ANKS1B: variants seen among roughly 807,000 people sequenced by gnomAD.
ANKS1B encodes the protein ankyrin repeat and sterile alpha motif domain containing 1B.
ANKS1B carries 36 observed loss-of-function variants against 148.3 expected under a neutral mutation model. The observed-to-expected ratio is 0.24, with a 90% CI of 0.19 to 0.32. The LOEUF is 0.32. Ranked by LOEUF, ANKS1B falls within the 10% of genes least tolerant of loss-of-function variation. The pLI, the probability that ANKS1B is intolerant of heterozygous loss-of-function variation, is 1.00. For missense variants in ANKS1B, 1,157 were observed against 1,542.6 expected (o/e 0.75, Z 4.19); for synonymous variants, 542 against 560.8 (o/e 0.97, Z 0.47).
rs1429354178 is a variant in ANKS1B at position 99,633,150 on chromosome 12, G to C, written c.1272+21917C>G. Among the ~76,000 whole-genome samples, 6 of 151,832 alleles carry C rather than the reference G, an allele frequency of 4.0e-5. No individual in the cohort carries two copies. The South Asian group carries it at 6.2e-4, about 16-fold the overall frequency. On this transcript the variant is annotated intron_variant, in intron 9 of 26. Coordinates refer to ENST00000683438, the MANE Select transcript of ANKS1B (RefSeq NM_001352186.2). The stretch of plus-strand genomic sequence containing the variant: ...ATATGTGCCACATTTTCTTAATCCA[G>C]TCTATCATTGTTGGACATTTGGGTT...
chr12:99,875,220 T>C (rs912408246), intron 1 of ANKS1B, among the ~76,000 whole-genome samples: 14 of 152,188 alleles, frequency 9.2e-5, no homozygotes, highest in African/African-American at 3.4e-4. Flanking sequence ...AATGCAGTGA[T>C]GTTTGGGATT....
At chr12:98,917,750 G>A (rs943829801) in intron 17 of ANKS1B, among the ~76,000 whole-genome samples, 4 of 152,152 alleles carry the variant, frequency 2.6e-5, no homozygotes, top group Non-Finnish European at 4.4e-5. Flanking sequence ...CAAATCCTGC[G>A]TGAACAAAGG....
At chr12:99,145,045 G>C (rs2072525320) in intron 15 of ANKS1B, among the ~76,000 whole-genome samples, 2 of 151,968 alleles carry the variant, frequency 1.3e-5, no homozygotes, top group Admixed American at 1.3e-4. Context: ...CACTGAACAG[G>C]GCACTGTTAT....
intron 9 of ANKS1B, among the ~76,000 whole-genome samples, chr12:99,538,813 T>C (rs2097097871): frequency 6.6e-6 from 1 of 152,182 alleles, no homozygotes; most frequent in South Asian, 2.1e-4. Context: ...CCTTGTCATG[T>C]TCCAGATTTT....
intron 8 of ANKS1B, among the ~76,000 whole-genome samples, chr12:99,737,728 T>C (rs2059742839): frequency 6.6e-6 from 1 of 152,098 alleles, no homozygotes; most frequent in African/African-American, 2.4e-5. Context: ...CACTTTTTCC[T>C]ATTTCCCCCC....
At chr12:99,640,144 C>T (rs973828072) in intron 9 of ANKS1B, among the ~76,000 whole-genome samples, 1 of 151,840 alleles carries the variant, frequency 6.6e-6, no homozygotes, top group African/African-American at 2.4e-5. Context: ...TGCACTCCAG[C>T]CTGGGTGAGA....
intron 1 of ANKS1B, among the ~76,000 whole-genome samples, chr12:99,917,595 A>G (rs1199200033): frequency 6.6e-6 from 1 of 152,214 alleles, no homozygotes; most frequent in Non-Finnish European, 1.5e-5. Flanking sequence ...AGGCACAGCA[A>G]TTCATCCTCA....
intron 9 of ANKS1B, among the ~76,000 whole-genome samples, chr12:99,629,981 TG>T (rs1418760872): frequency 2.0e-5 from 3 of 152,162 alleles, no homozygotes; most frequent in Non-Finnish European, 4.4e-5. Flanking sequence ...CTAGAATACA[TG>T]CTAAATTCTA....
At chr12:99,775,263 C>A (rs1426724925) in intron 7 of ANKS1B, among the ~76,000 whole-genome samples, 4 of 152,016 alleles carry the variant, frequency 2.6e-5, no homozygotes, top group African/African-American at 4.8e-5. Context: ...TAAATATATA[C>A]AATTTTTATT....
chr12:99,024,069 A>G (rs11831207), intron 17 of ANKS1B, among the ~76,000 whole-genome samples: 5,506 of 151,826 alleles, frequency 0.036, 346 homozygotes, highest in African/African-American at 0.13. Context: ...ATGGCACACT[A>G]TTGTTATCAG....
At chr12:99,291,041 A>T (rs867050932) in intron 12 of ANKS1B, among the ~76,000 whole-genome samples, 17 of 152,160 alleles carry the variant, frequency 1.1e-4, no homozygotes, top group Non-Finnish European at 1.5e-4. Flanking sequence ...CTAATTCAGT[A>T]AAGTGGCAAG....
intron 12 of ANKS1B, among the ~76,000 whole-genome samples, chr12:99,279,745 G>T (rs2078149831): frequency 6.6e-6 from 1 of 152,176 alleles, no homozygotes; most frequent in African/African-American, 2.4e-5. Context: ...TGGGCATGGT[G>T]GCTCATGCCT....
At chr12:99,207,789 A>G (rs1371522593) in intron 14 of ANKS1B, among the ~76,000 whole-genome samples, 1 of 152,084 alleles carries the variant, frequency 6.6e-6, no homozygotes. Context: ...TTAAGGAAGA[A>G]AGAGAGTAAT....
At chr12:99,535,733 A>G (rs2097059027) in intron 9 of ANKS1B, among the ~76,000 whole-genome samples, 3 of 152,150 alleles carry the variant, frequency 2.0e-5, no homozygotes, top group Non-Finnish European at 4.4e-5. Flanking sequence ...AAGCCAGTGA[A>G]GAAGCACTTA....
chr12:99,410,661 T>G (rs542251056), intron 11 of ANKS1B, among the ~76,000 whole-genome samples: 2 of 152,148 alleles, frequency 1.3e-5, no homozygotes, highest in East Asian at 3.9e-4. Context: ...AGGGCAAGAC[T>G]CCATCTCAAA....
Position 99,687,320 on chromosome 12 carries a change from CTTTAAG to C in ANKS1B, c.1129-32116_1129-32111del, listed in dbSNP as rs556251250. 5.3e-3 allele frequency among the ~76,000 whole-genome samples: 805 copies of C among 152,220 alleles called. 8 individuals carry two copies. Among genetic ancestry groups the C allele is most frequent in the African/African-American group, 0.018 (757 of 41,552 alleles). On this transcript the variant is annotated intron_variant, in intron 8 of 26. Transcript: ENST00000683438. ...TTTTAAATATGACTCAATGTGGCTC[CTTTAAG>C]TTTATTTTGCATACAGTTTATTCAA...
chr12:99,620,713 G>C (rs1435642473), intron 9 of ANKS1B, among the ~76,000 whole-genome samples: 1 of 151,982 alleles, frequency 6.6e-6, no homozygotes, highest in Non-Finnish European at 1.5e-5. Context: ...ACAAAGAAAA[G>C]AGAATTTTAA....
At chr12:99,468,829 T>C (rs934934103) in intron 10 of ANKS1B, among the ~76,000 whole-genome samples, 16 of 152,260 alleles carry the variant, frequency 1.1e-4, no homozygotes, top group African/African-American at 3.4e-4. Flanking sequence ...GGAACACTTT[T>C]ACACTGTTGG....
At chr12:99,138,453 T>C (rs968858316) in intron 15 of ANKS1B, among the ~76,000 whole-genome samples, 2 of 152,206 alleles carry the variant, frequency 1.3e-5, no homozygotes, top group Non-Finnish European at 2.9e-5. Flanking sequence ...ATAACTTCAT[T>C]TTCTTCAGCA....
Sources: allele counts gnomAD v4.1 joint callset (sites outside exome capture counted in the v4.1 genomes callset), GRCh38; gene constraint gnomAD v4.1.1; transcripts MANE v1.5; gene names NCBI Gene and HGNC (gene_info 2026-07-23, HGNC 2026-07-21).